SLC12A6: variants seen among roughly 807,000 people sequenced by gnomAD.
The protein encoded by SLC12A6 is K-Cl cotransporter 3.
In SLC12A6, 66 loss-of-function variants were observed where a neutral mutation model predicts 135.3. That is an observed-to-expected ratio of 0.49 (90% CI 0.40 to 0.60). The LOEUF is 0.60. Ranked by LOEUF, SLC12A6 falls within the 20% of genes least tolerant of loss-of-function variation. SLC12A6 has a pLI of 0.00. For missense variants in SLC12A6, 1,058 were observed against 1,452.3 expected (o/e 0.73, Z 4.41); for synonymous variants, 513 against 508.8 (o/e 1.01, Z -0.11).
chr15:34,245,337 C>G lies in SLC12A6; in HGVS notation c.1891G>C (p.Glu631Gln). The G allele has an allele frequency of 6.2e-7, 1 of 1,613,754 alleles. No homozygotes were observed. The highest frequency in any genetic ancestry group is 8.5e-7 in the Non-Finnish European group (1 of 1,179,608). The part of the protein sequence containing the change: ...WALLLTAAIA[E>Q]LGILIASLDL... ...AGGGAGGCAATGAGTATTCCAAGCT[C>G]TGCAATGGCAGCAGTTAGAAGTAAA... Residue 631 changes from glutamate (E) to glutamine (Q), a missense_variant, in exon 15 of 26, where the codon GAG (glutamate) becomes CAG (glutamine). By Grantham distance (29) the Glu-to-Gln change is conservative. Transcript: ENST00000354181.
intron 25 of SLC12A6, among the ~76,000 whole-genome samples, chr15:34,234,436 G>A (rs1433336268): frequency 2.6e-5 from 4 of 151,790 alleles, no homozygotes; most frequent in East Asian, 1.9e-4. Flanking sequence ...GCAATGGTGC[G>A]ATCTTGGCTC....
chr15:34,242,332 A>T (rs1891699277), intron 16 of SLC12A6, 111 bp from the exon 17 acceptor site: 2 of 748,270 alleles, frequency 2.7e-6, no homozygotes, highest in Admixed American at 2.6e-5. Flanking sequence ...AAAAACTTTG[A>T]AACTATTATA....
Position 34,240,845 on chromosome 15 carries a change from TG to T in SLC12A6, c.2268-17del. 2 of 1,607,614 alleles carry T rather than the reference TG, an allele frequency of 1.2e-6. No homozygotes were observed. The highest frequency in any genetic ancestry group is 1.7e-6 in the Non-Finnish European group (2 of 1,176,638). ...CAACTGAGGCCTGTGAAGAGGTTGG[TG>T]GGGGTTGGAGGGGAGGAGAAAACAT... On this transcript the variant is annotated splice_polypyrimidine_tract_variant and intron_variant, in intron 18 of 25. Coordinates refer to ENST00000354181, the MANE Select transcript of SLC12A6 (RefSeq NM_001365088.1).
intron 2 of SLC12A6, among the ~76,000 whole-genome samples, chr15:34,276,537 C>T (rs907689814): frequency 1.1e-4 from 16 of 152,150 alleles, no homozygotes; most frequent in Admixed American, 9.2e-4. Context: ...GACTAAGCTC[C>T]ACTTTCCTCA....
chr15:34,315,016 GA>G (rs1888537621), intron 2 of SLC12A6, among the ~76,000 whole-genome samples: 1 of 152,128 alleles, frequency 6.6e-6, no homozygotes. Context: ...GATAAAACCT[GA>G]ATAGATAAGG....
chr15:34,235,335 GGTT>G (rs748661070), intron 24 of SLC12A6, 21 bp from the exon 25 acceptor site: 2 of 1,609,146 alleles, frequency 1.2e-6, no homozygotes, highest in East Asian at 2.2e-5. Context: ...AAGAAATAAA[GGTT>G]GTTAAGGTAA....
rs368861695 is a variant in SLC12A6, at chr15:34,255,345, C to A, written c.793G>T (p.Gly265Cys). 1 of 1,609,970 alleles carries A rather than the reference C, an allele frequency of 6.2e-7. No homozygotes were observed. The highest frequency in any genetic ancestry group is 8.5e-7 in the Non-Finnish European group (1 of 1,176,168). The change falls in exon 8 of 26, where the codon GGT becomes TGT. Residue 265 changes from glycine (G) to cysteine (C), a missense_variant. Around this residue, in one of 6 missense-constraint regions of SLC12A6, gnomAD observed 139 missense variants for 202.2 expected, o/e 0.69. Transcript: ENST00000354181. ...MISRALGPEFGGAVGLCFYLG... is the reference protein window; with the variant it reads ...MISRALGPEFCGAVGLCFYLG... ...TAAAAGCAGAGGCCAACAGCCCCACCAAACTCTGGGCCCAGTGCCCGGGAA... is the reference window on the plus strand; with the variant it reads ...TAAAAGCAGAGGCCAACAGCCCCACAAAACTCTGGGCCCAGTGCCCGGGAA...
intron 2 of SLC12A6, among the ~76,000 whole-genome samples, chr15:34,295,668 T>C (rs1046064682): frequency 2.0e-5 from 3 of 152,160 alleles, no homozygotes; most frequent in Admixed American, 1.3e-4. Context: ...ATCAAAAAAT[T>C]TGATACATTT....
chr15:34,330,126 T>G (rs1444254464), intron 2 of SLC12A6, among the ~76,000 whole-genome samples: 4 of 152,182 alleles, frequency 2.6e-5, no homozygotes, highest in Non-Finnish European at 5.9e-5. Flanking sequence ...TTTTCAATTG[T>G]TTTATGCACA....
At chr15:34,271,026 A>T (rs1305556027) in intron 3 of SLC12A6, among the ~76,000 whole-genome samples, 2 of 152,070 alleles carry the variant, frequency 1.3e-5, no homozygotes, top group Non-Finnish European at 2.9e-5. Context: ...ACTCACAATC[A>T]TAAGAACATA....
intron 3 of SLC12A6, among the ~76,000 whole-genome samples, chr15:34,272,054 C>T (rs535242067): frequency 2.0e-5 from 3 of 152,224 alleles, no homozygotes; most frequent in South Asian, 4.1e-4. Context: ...TGGCTCACTG[C>T]AACCTCCACC....
chr15:34,323,694 T>A (rs1415464628), intron 2 of SLC12A6, among the ~76,000 whole-genome samples: 1 of 152,186 alleles, frequency 6.6e-6, no homozygotes, highest in African/African-American at 2.4e-5. Flanking sequence ...CTCAGGCCTG[T>A]AATCCCAGCA....
rs998831174 is a variant in SLC12A6 at position 34,231,815 on chromosome 15, C to G, written c.*2066G>C. 4.6e-5 allele frequency: 7 copies of G among 152,082 alleles called. No individual in the cohort carries two copies. The highest frequency in any genetic ancestry group is 1.7e-4 in the African/African-American group (7 of 41,402). The allele number at this position is 152,082 out of a possible 1,614,324, so 9.4% of individuals were successfully genotyped here. A position where few individuals can be genotyped will look rare whatever the true frequency, so the allele number is the denominator to read the frequency against. On this transcript the variant is annotated 3_prime_UTR_variant, in exon 26 of 26. Transcript: ENST00000354181. ...CGTGTTAGCCAGGATGGTCTCAAAT[C>G]TCCTGACCTCGTGATCCGCCTGCCT...
intron 2 of SLC12A6, among the ~76,000 whole-genome samples, chr15:34,285,302 C>A (rs190998009): frequency 6.6e-5 from 10 of 152,226 alleles, no homozygotes; most frequent in African/African-American, 2.2e-4. Context: ...TGGTCAGATG[C>A]TGGATATGTT....
intron 13 of SLC12A6, among the ~76,000 whole-genome samples, chr15:34,249,151 A>G (rs937829221): frequency 2.6e-5 from 4 of 152,204 alleles, no homozygotes; most frequent in African/African-American, 9.7e-5. Flanking sequence ...GGCTAGAACT[A>G]AAAGGGAGAT....
chr15:34,250,365 T>C lies in SLC12A6; in HGVS notation c.1592-10A>G. The C allele has an allele frequency of 6.4e-7, 1 of 1,568,242 alleles. No individual in the cohort carries two copies. The highest frequency in any genetic ancestry group is 8.8e-7 in the Non-Finnish European group (1 of 1,138,026). On this transcript the variant is annotated splice_polypyrimidine_tract_variant and intron_variant, in intron 12 of 25. Coordinates refer to ENST00000354181, the MANE Select transcript of SLC12A6 (RefSeq NM_001365088.1). ...ACAACATTGCTTAAATCTACCATAT[T>C]GAGAGTCAAGGAAACTGTTGTTTAC...
chr15:34,274,783 A>G (rs890896814), intron 3 of SLC12A6, among the ~76,000 whole-genome samples: 38 of 152,100 alleles, frequency 2.5e-4, no homozygotes, highest in Non-Finnish European at 4.4e-5. Context: ...ACTGCACTCC[A>G]GCCTGGTGAC....
At chr15:34,248,359 T>A (rs1236015382) in intron 13 of SLC12A6, among the ~76,000 whole-genome samples, 1 of 152,178 alleles carries the variant, frequency 6.6e-6, no homozygotes, top group Non-Finnish European at 1.5e-5. Context: ...TTCTGTTAGA[T>A]ATACCTAGAA....
In SLC12A6 at chr15:34,250,329, C is replaced by T; in HGVS notation, c.1618G>A (p.Ala540Thr). The change falls in exon 13 of 26, where the codon GCA becomes ACA. Residue 540 changes from alanine (A) to threonine (T), a missense_variant. Coordinates refer to ENST00000354181, the MANE Select transcript of SLC12A6 (RefSeq NM_001365088.1). ...CTGAGAACAACCCCTTCAATACATG[C>T]ACCAAAAAGGACAACATTGCTTAAA... ...VYLSNVVLFG[A>T]CIEGVVLRDK... The T allele has an allele frequency of 6.3e-7, 1 of 1,594,816 alleles. No homozygotes were observed. Among genetic ancestry groups the T allele is most frequent in the Non-Finnish European group, 8.6e-7 (1 of 1,162,398 alleles).
Sources: gnomAD v4.1 joint callset for allele counts (sites outside exome capture counted in the v4.1 genomes callset) on GRCh38, gnomAD v4.1.1 for gene constraint, gnomAD v4.1.1 regional missense constraint, MANE v1.5 for transcripts, NCBI Gene and HGNC (gene_info 2026-07-23, HGNC 2026-07-21) for gene names.